Variants in CASK observed in about 807,000 individuals in gnomAD.
CASK encodes calcium/calmodulin dependent serine protein kinase, also known as peripheral plasma membrane protein CASK.
In CASK, 4 loss-of-function variants were observed where a neutral mutation model predicts 82.9. The observed-to-expected ratio is 0.05, with a 90% confidence interval of 0.02 to 0.11. CASK has a LOEUF of 0.11. Ranked by LOEUF, CASK falls within the 10% of genes least tolerant of loss-of-function variation. CASK has a pLI of 1.00. For missense variants in CASK, 358 were observed against 720.9 expected, an observed-to-expected ratio of 0.50 and a Z score of 5.76; for synonymous variants, 259 against 253.5, an observed-to-expected ratio of 1.02 and a Z score of -0.20.
In CASK at chrX:41,869,812, C is replaced by CAAAAAAAAAA. The variant is rs72190097; in HGVS notation, c.60-16595_60-16586dup. 4.0e-3 allele frequency among the ~76,000 whole-genome samples: 49 copies of CAAAAAAAAAA among 12,112 alleles called. 6 individuals carry two copies. Among genetic ancestry groups the CAAAAAAAAAA allele is most frequent in the African/African-American group, 0.014 (33 of 2,347 alleles). The allele number at this position is 12,112 out of a possible 115,157, so 10.5% of individuals were successfully genotyped here. A position where few individuals can be genotyped will look rare whatever the true frequency, so the allele number is the denominator to read the frequency against. Reference sequence around the variant, plus strand: ...TGGGTGATGAAGTAAGACTCTGTCTCAAAAAAAAAAAAAAAAAAAAAAAAG... The same window carrying CAAAAAAAAAA: ...TGGGTGATGAAGTAAGACTCTGTCTCAAAAAAAAAAAAAAAAAAAAAAAAAAAAAAAAAAG... On this transcript the variant is annotated intron_variant, in intron 1 of 26. Transcript: ENST00000378163.
chrX:41,846,485 G>A (rs2071158105), intron 2 of CASK, among the ~76,000 whole-genome samples: 1 of 110,396 alleles, frequency 9.1e-6, no homozygotes, highest in Admixed American at 9.6e-5. Context: ...GATGGTTAAT[G>A]GGTACAAAAA....
chrX:41,777,903 G>A (rs1373024428), intron 3 of CASK, among the ~76,000 whole-genome samples: 1 of 111,588 alleles, frequency 9.0e-6, no homozygotes, highest in Non-Finnish European at 1.9e-5. Context: ...ATCAAGGGGC[G>A]TGAACAAGTA....
At chrX:41,818,061 T>C (rs1171945361) in intron 2 of CASK, among the ~76,000 whole-genome samples, 1 of 109,649 alleles carries the variant, frequency 9.1e-6, no homozygotes, top group Admixed American at 9.8e-5. Context: ...GGTTTCAATA[T>C]GCACGTTTCA....
At chrX:41,727,931 G>T (rs1433003268) in intron 5 of CASK, 5 of 1,184,900 alleles carry the variant, frequency 4.2e-6, no homozygotes, top group Non-Finnish European at 5.7e-6. Context: ...TCGGCCAGAA[G>T]TAGCACAGAC....
intron 12 of CASK, among the ~76,000 whole-genome samples, chrX:41,606,951 C>T (rs1602337020): frequency 9.0e-6 from 1 of 111,418 alleles, no homozygotes; most frequent in East Asian, 2.8e-4. Flanking sequence ...CAATGACCTC[C>T]CAAAGTGCTG....
chrX:41,642,166 TCCAAGTCTTTGC>T (rs963703934), intron 8 of CASK, among the ~76,000 whole-genome samples: 9 of 111,411 alleles, frequency 8.1e-5, no homozygotes, highest in African/African-American at 2.9e-4. Context: ...TTGGGTTGGT[TCCAAGTCTTTGC>T]TATTGTGAAT....
At chrX:41,737,446 C>G (rs575003186) in intron 5 of CASK, among the ~76,000 whole-genome samples, 3 of 111,917 alleles carry the variant, frequency 2.7e-5, no homozygotes, top group African/African-American at 9.7e-5. Flanking sequence ...ATAAGAGATA[C>G]CGAGCCTTAT....
chrX:41,886,578 G>A, intron 1 of CASK, among the ~76,000 whole-genome samples: 1 of 111,739 alleles, frequency 8.9e-6, no homozygotes, highest in Admixed American at 9.5e-5. Context: ...TGCTCTACAG[G>A]TGCTATAAAT....
Position 41,923,079 on chromosome X carries a change from T to A in CASK, c.-91A>T. Reference sequence around the variant, plus strand: ...CTCAGTGCCCAGCCCCGGGATCGCCTCCTCCCCTCAGGACCCGCGAGCCCT... The same window carrying A: ...CTCAGTGCCCAGCCCCGGGATCGCCACCTCCCCTCAGGACCCGCGAGCCCT... On this transcript the variant is annotated 5_prime_UTR_variant, in exon 1 of 27. Coordinates refer to ENST00000378163, the MANE Select transcript of CASK (RefSeq NM_001367721.1). 1 of 847,116 alleles carries A rather than the reference T, an allele frequency of 1.2e-6. No individual in the cohort carries two copies. The highest frequency in any genetic ancestry group is 1.7e-6 in the Non-Finnish European group (1 of 575,955). 69.8% of individuals were successfully genotyped at this position (847,116 alleles called of 1,213,427 possible).
At chrX:41,598,659 G>A (rs2065857015) in intron 12 of CASK, among the ~76,000 whole-genome samples, 1 of 112,050 alleles carries the variant, frequency 8.9e-6, no homozygotes, top group Non-Finnish European at 1.9e-5. Context: ...ATGGCACCCG[G>A]CTGGAAGAAC....
intron 6 of CASK, among the ~76,000 whole-genome samples, chrX:41,668,190 C>T (rs1049639397): frequency 1.8e-5 from 2 of 111,516 alleles, no homozygotes; most frequent in African/African-American, 6.5e-5. Context: ...GCATCCAATG[C>T]TACATGGAGG....
chrX:41,914,314 G>C (rs1176379051), intron 1 of CASK, among the ~76,000 whole-genome samples: 1 of 112,232 alleles, frequency 8.9e-6, no homozygotes, highest in African/African-American at 3.2e-5. Context: ...AGGAAAGAAA[G>C]TATATTAAAA....
chrX:41,743,670 T>C (rs920365164), intron 4 of CASK: 1 of 297,700 alleles, frequency 3.4e-6, no homozygotes, highest in Non-Finnish European at 5.9e-6. Context: ...GACATTCAAG[T>C]CATGCTGAGC....
At chrX:41,726,934 C>T (rs2068271120) in intron 5 of CASK, 5 of 425,235 alleles carry the variant, frequency 1.2e-5, no homozygotes, top group Admixed American at 4.7e-5. Flanking sequence ...AAAAACTATT[C>T]AGCTTAAATA....
At chrX:41,581,381 TAA>T (rs1328155723) in intron 14 of CASK, among the ~76,000 whole-genome samples, 1 of 102,444 alleles carries the variant, frequency 9.8e-6, no homozygotes, top group Non-Finnish European at 2.0e-5. Flanking sequence ...CCCCGTCTCT[TAA>T]AAAAAAAAAA....
chrX:41,806,856 A>C (rs2070135431), intron 2 of CASK, among the ~76,000 whole-genome samples: 2 of 112,002 alleles, frequency 1.8e-5, no homozygotes, highest in South Asian at 7.4e-4. Context: ...AATGAGTATA[A>C]ACTGAAAGCT....
intron 12 of CASK, among the ~76,000 whole-genome samples, chrX:41,596,719 C>CA (rs1266922884): frequency 5.4e-5 from 6 of 111,589 alleles, no homozygotes; most frequent in African/African-American, 2.0e-4. Flanking sequence ...CAGGGCAAAA[C>CA]AAGGAAATGT....
intron 19 of CASK, 66 bp downstream of exon 19, chrX:41,556,966 A>G (rs1211864288): frequency 1.2e-6 from 1 of 837,268 alleles, no homozygotes; most frequent in Non-Finnish European, 1.8e-6. Context: ...ATGTAACTAG[A>G]ACACTCATGG....
At chrX:41,853,914 A>G (rs181659403) in intron 1 of CASK, among the ~76,000 whole-genome samples, 1 of 112,065 alleles carries the variant, frequency 8.9e-6, no homozygotes, top group African/African-American at 3.2e-5. Context: ...TGTAAATACA[A>G]TAAGAAAAAA....
Sources: allele counts gnomAD v4.1 joint callset (sites outside exome capture counted in the v4.1 genomes callset), GRCh38; gene constraint gnomAD v4.1.1; transcripts MANE v1.5; gene names NCBI Gene and HGNC (gene_info 2026-07-23, HGNC 2026-07-21).